The following ZBTB44 variants were observed in gnomAD, a reference collection of about 807,000 sequenced individuals.
ZBTB44 encodes zinc finger and BTB domain-containing protein 44.
ZBTB44 carries 15 observed loss-of-function variants against 54.0 expected under a neutral mutation model. That is an observed-to-expected ratio of 0.28 (90% CI 0.19 to 0.43). The LOEUF is 0.43. Among genes scored for constraint, ZBTB44 ranks in the 20% least tolerant of loss-of-function variants. The pLI is 1.00. For missense variants in ZBTB44, 487 were observed against 707.1 expected, an observed-to-expected ratio of 0.69 and a Z score of 3.53; for synonymous variants, 230 against 250.1, an observed-to-expected ratio of 0.92 and a Z score of 0.76.
At chr11:130,295,541 G>A in intron 1 of ZBTB44, 1 of 705,236 alleles carries the variant, frequency 1.4e-6, no homozygotes, top group South Asian at 1.5e-5. Flanking sequence ...TGACAGTGAG[G>A]TGCCCAGCCT....
chr11:130,242,627 A>G (rs1954426301), intron 2 of ZBTB44, among the ~76,000 whole-genome samples: 1 of 152,188 alleles, frequency 6.6e-6, no homozygotes, highest in Non-Finnish European at 1.5e-5. Flanking sequence ...GTAGAAATCT[A>G]GACTGGGAGC....
chr11:130,247,946 G>A (rs1462397948), intron 2 of ZBTB44, among the ~76,000 whole-genome samples: 2 of 152,128 alleles, frequency 1.3e-5, no homozygotes, highest in South Asian at 2.1e-4. Context: ...TTTATTTGCT[G>A]CAAGTTGATA....
At chr11:130,242,538 A>ATATT (rs1491479895) in intron 2 of ZBTB44, among the ~76,000 whole-genome samples, 3 of 84,474 alleles carry the variant, frequency 3.6e-5, no homozygotes, top group Non-Finnish European at 6.1e-5. Context: ...GTTTGAAAAC[A>ATATT]TATTTATTTT....
intron 7 of ZBTB44, chr11:130,233,047 ATTAT>A (rs1953940455): frequency 5.3e-6 from 2 of 380,036 alleles, no homozygotes; most frequent in Admixed American, 4.4e-5. Context: ...TCAATAGAGA[ATTAT>A]TTATTATGTC....
intron 2 of ZBTB44, among the ~76,000 whole-genome samples, chr11:130,248,515 C>T (rs1937719918): frequency 6.6e-6 from 1 of 151,932 alleles, no homozygotes; most frequent in South Asian, 2.1e-4. Context: ...GTGGCAGGCA[C>T]CTGTAATCCC....
intron 1 of ZBTB44, among the ~76,000 whole-genome samples, chr11:130,281,890 C>A (rs1940553313): frequency 6.6e-6 from 1 of 152,176 alleles, no homozygotes; most frequent in Non-Finnish European, 1.5e-5. Context: ...TAGGCGTGAG[C>A]CACCGCGCCC....
At chr11:130,266,803 G>GGT (rs2134163103) in intron 1 of ZBTB44, among the ~76,000 whole-genome samples, 1 of 152,350 alleles carries the variant, frequency 6.6e-6, no homozygotes, top group South Asian at 2.1e-4. Context: ...GTTGCTCCTT[G>GGT]TGGATAAGCA....
chr11:130,309,885 G>A (rs1214704654), intron 1 of ZBTB44, among the ~76,000 whole-genome samples: 4 of 140,268 alleles, frequency 2.9e-5, no homozygotes, highest in Non-Finnish European at 4.5e-5. Context: ...AACAGAGGGC[G>A]ACTGCATCTC....
chr11:130,245,216 T>C (rs950248846), intron 2 of ZBTB44, among the ~76,000 whole-genome samples: 2 of 152,228 alleles, frequency 1.3e-5, no homozygotes, highest in African/African-American at 4.8e-5. Context: ...TTTCTTTTTC[T>C]TTCTCTATCA....
At chr11:130,260,685 T>C (rs1412678284) in intron 2 of ZBTB44, among the ~76,000 whole-genome samples, 171 bp downstream of exon 2, 1 of 152,232 alleles carries the variant, frequency 6.6e-6, no homozygotes, top group Non-Finnish European at 1.5e-5. Flanking sequence ...AATGTGCAAC[T>C]TGTAAAAAAT....
chr11:130,304,759 A>G (rs1165958139), intron 1 of ZBTB44, among the ~76,000 whole-genome samples: 1 of 152,194 alleles, frequency 6.6e-6, no homozygotes, highest in Non-Finnish European at 1.5e-5. Flanking sequence ...GAAAACTTTT[A>G]GATACAGCAA....
At chr11:130,305,472 T>C (rs187910218) in intron 1 of ZBTB44, among the ~76,000 whole-genome samples, 2 of 152,296 alleles carry the variant, frequency 1.3e-5, no homozygotes, top group Non-Finnish European at 2.9e-5. Context: ...AGCCAACTGG[T>C]CTTTGACAAA....
At chr11:130,312,957 A>G (rs1942709324) in intron 1 of ZBTB44, among the ~76,000 whole-genome samples, 1 of 152,230 alleles carries the variant, frequency 6.6e-6, no homozygotes, top group Admixed American at 6.5e-5. Context: ...AAGACAGGAA[A>G]CAATATGGCA....
chr11:130,281,280 G>A (rs932707078), intron 1 of ZBTB44, among the ~76,000 whole-genome samples: 2 of 152,082 alleles, frequency 1.3e-5, no homozygotes, highest in Non-Finnish European at 2.9e-5. Context: ...AGCACTTTGG[G>A]AGGCCGAGGT....
chr11:130,252,235 A>C (rs996317569), intron 2 of ZBTB44, among the ~76,000 whole-genome samples: 2 of 152,220 alleles, frequency 1.3e-5, no homozygotes, highest in African/African-American at 4.8e-5. Flanking sequence ...ACTATCCTAA[A>C]TACATATATA....
chr11:130,305,676 A>C (rs934252178), intron 1 of ZBTB44, among the ~76,000 whole-genome samples: 4 of 152,140 alleles, frequency 2.6e-5, no homozygotes, highest in Admixed American at 6.5e-5. Flanking sequence ...CATCAGAAAA[A>C]CTCTTCTAGA....
chr11:130,228,940 A>C lies in ZBTB44; in HGVS notation c.*2824T>G, dbSNP rs1337557966. The C allele has an allele frequency of 6.6e-6, 1 of 152,238 alleles. No individual in the cohort carries two copies. The highest frequency in any genetic ancestry group is 1.5e-5 in the Non-Finnish European group (1 of 68,042). 9.4% of individuals were successfully genotyped at this position (152,238 alleles called of 1,614,324 possible). On this transcript the variant is annotated 3_prime_UTR_variant, in exon 8 of 8. Coordinates refer to ENST00000357899, the MANE Select transcript of ZBTB44 (RefSeq NM_001301098.2). ...TTTATAAACCAGGTACTTTGAACAA[A>C]AACTAAAAATTTTAAAGTTAAAAAA...
chr11:130,250,268 G>A (rs1340982776), intron 2 of ZBTB44, among the ~76,000 whole-genome samples: 1 of 152,176 alleles, frequency 6.6e-6, no homozygotes, highest in African/African-American at 2.4e-5. Flanking sequence ...CCCCAGTCAG[G>A]GCTTATAGAT....
intron 2 of ZBTB44, among the ~76,000 whole-genome samples, chr11:130,255,470 T>C (rs1317395773): frequency 6.6e-6 from 1 of 152,012 alleles, no homozygotes; most frequent in Non-Finnish European, 1.5e-5. Flanking sequence ...GTAAAATCTA[T>C]ACCTTAACAT....
Sources: gnomAD v4.1 joint callset for allele counts (sites outside exome capture counted in the v4.1 genomes callset) on GRCh38, gnomAD v4.1.1 for gene constraint, MANE v1.5 for transcripts, NCBI Gene and HGNC (gene_info 2026-07-23, HGNC 2026-07-21) for gene names.